Variants in MAPK4 observed in about 807,000 individuals in gnomAD.
MAPK4 encodes the protein mitogen-activated protein kinase 4.
Under a neutral mutation model 47.7 loss-of-function variants are expected in MAPK4, and 22 were observed. The observed-to-expected ratio is 0.46, with a 90% CI of 0.33 to 0.66. The LOEUF (loss-of-function observed/expected upper bound fraction) is 0.66. Ranked by LOEUF, MAPK4 falls within the 30% of genes least tolerant of loss-of-function variation. The probability of loss-of-function intolerance (pLI) is 0.02; values close to 1 mark genes in which losing one functional copy is unlikely to be tolerated. For missense variants in MAPK4, 736 were observed against 831.7 expected (o/e 0.88, Z 1.42); for synonymous variants, 390 against 365.7 (o/e 1.07, Z -0.76).
intron 5 of MAPK4, 133 bp from the exon 6 acceptor site, chr18:50,729,025 T>A: frequency 1.3e-6 from 1 of 757,094 alleles, no homozygotes; most frequent in Non-Finnish European, 2.2e-6. Flanking sequence ...TACCTGTCCA[T>A]CACCCTCCCA....
At chr18:50,697,345 G>T (rs1464898972) in intron 2 of MAPK4, among the ~76,000 whole-genome samples, 1 of 152,210 alleles carries the variant, frequency 6.6e-6, no homozygotes, top group Non-Finnish European at 1.5e-5. Flanking sequence ...GAGCTTCTCT[G>T]CTTGGTTCAC....
At position 50,664,514 on chromosome 18, in the gene MAPK4, G is replaced by C. The variant is rs1568070510; in HGVS notation, c.546+10G>C. ...GCATTACTCCCACAAGGTATGTCTGGCTGGAATGGCGGATACTGGTGGTCC... is the reference window on the plus strand; with the variant it reads ...GCATTACTCCCACAAGGTATGTCTGCCTGGAATGGCGGATACTGGTGGTCC... On this transcript the variant is annotated intron_variant, in intron 2 of 5. Coordinates refer to ENST00000400384, the MANE Select transcript of MAPK4 (RefSeq NM_002747.4). This position sits in a 1 kb window ranked among gnomAD's most constrained non-coding sequence, Gnocchi z 6.0. The C allele has an allele frequency of 6.4e-7, 1 of 1,569,440 alleles. No individual in the cohort carries two copies. The highest frequency in any genetic ancestry group is 1.2e-5 in the South Asian group (1 of 83,544).
chr18:50,570,618 G>A (rs2042241274), intron 1 of MAPK4, among the ~76,000 whole-genome samples: 1 of 152,206 alleles, frequency 6.6e-6, no homozygotes, highest in East Asian at 1.9e-4. Flanking sequence ...TGAACCATCA[G>A]ATCCAGGCTC....
chr18:50,691,078 C>T (rs552879938), intron 2 of MAPK4, among the ~76,000 whole-genome samples: 13 of 152,080 alleles, frequency 8.5e-5, no homozygotes, highest in South Asian at 2.1e-4. Context: ...CTGCAACCTC[C>T]GCCTCCTGGG....
intron 1 of MAPK4, among the ~76,000 whole-genome samples, chr18:50,623,347 G>A (rs903858109): frequency 1.3e-5 from 2 of 152,206 alleles, no homozygotes; most frequent in Non-Finnish European, 2.9e-5. Context: ...GTGCAGCAGT[G>A]TAGATTTTTC....
chr18:50,597,219 A>G (rs1195146058), intron 1 of MAPK4, among the ~76,000 whole-genome samples: 1 of 152,220 alleles, frequency 6.6e-6, no homozygotes, highest in East Asian at 1.9e-4. Context: ...ACTAACCTTT[A>G]CTAAGCACTT....
At chr18:50,621,825 C>A (rs2053248) in intron 1 of MAPK4, among the ~76,000 whole-genome samples, 1 of 152,108 alleles carries the variant, frequency 6.6e-6, no homozygotes, top group Non-Finnish European at 1.5e-5. Flanking sequence ...TATCCAAGTA[C>A]CTGCGATACT....
intron 2 of MAPK4, among the ~76,000 whole-genome samples, chr18:50,694,157 C>G (rs1011497294): frequency 6.6e-6 from 1 of 152,158 alleles, no homozygotes; most frequent in Non-Finnish European, 1.5e-5. Flanking sequence ...GTGCATACTG[C>G]GGTAAATCTG....
intron 1 of MAPK4, among the ~76,000 whole-genome samples, chr18:50,644,524 C>T (rs2042970006): frequency 6.6e-6 from 1 of 152,264 alleles, no homozygotes; most frequent in South Asian, 2.1e-4. Flanking sequence ...CCAAAGGGCT[C>T]CTTTCCCCTC....
In MAPK4 at chr18:50,706,117, A is replaced by G. The variant is rs139799063; in HGVS notation, c.547-8962A>G. 13 of 152,302 alleles carry G rather than the reference A, an allele frequency of 8.5e-5. No individual in the cohort carries two copies. In the East Asian group the frequency reaches 2.5e-3, roughly 29 times the overall value. The allele number at this position is 152,302 out of a possible 1,614,324, so 9.4% of individuals were successfully genotyped here. On this transcript the variant is annotated intron_variant, in intron 2 of 5. Transcript: ENST00000400384. ...GTGCCTGGCACATCATAATTTCTCA[A>G]TAAACGATAGCTATTATTATGATCA... is the stretch of plus-strand genomic sequence containing the variant.
At chr18:50,688,716 C>T (rs1047809048) in intron 2 of MAPK4, among the ~76,000 whole-genome samples, 4 of 151,512 alleles carry the variant, frequency 2.6e-5, no homozygotes, top group Admixed American at 6.6e-5. Flanking sequence ...AATGATACAA[C>T]GGACATCAGG....
intron 2 of MAPK4, among the ~76,000 whole-genome samples, chr18:50,674,393 T>G (rs1908141359): frequency 6.6e-6 from 1 of 152,218 alleles, no homozygotes; most frequent in African/African-American, 2.4e-5. Flanking sequence ...GAAGGCTCGG[T>G]GGGGGTGTGG....
rs1193976082 is a variant in MAPK4, at chr18:50,664,822, C to A, written c.546+318C>A. On this transcript the variant is annotated intron_variant, in intron 2 of 5. Transcript: ENST00000400384. This position sits in a 1 kb window ranked among gnomAD's most constrained non-coding sequence, Gnocchi z 6.0. ...AAAACTATGTGGTTGGTGAATTTGCCTCTAGCATCTTCTTATCCCTGCTGT... is the reference window on the plus strand; with the variant it reads ...AAAACTATGTGGTTGGTGAATTTGCATCTAGCATCTTCTTATCCCTGCTGT... 6.6e-6 allele frequency among the ~76,000 whole-genome samples: 1 copy of A among 152,168 alleles called. No homozygotes were observed. The highest frequency in any genetic ancestry group is 1.5e-5 in the Non-Finnish European group (1 of 68,038).
intron 2 of MAPK4, among the ~76,000 whole-genome samples, chr18:50,684,606 G>A (rs898224022): frequency 6.6e-6 from 1 of 152,062 alleles, no homozygotes; most frequent in Non-Finnish European, 1.5e-5. Context: ...CCTTCGGGGG[G>A]TGAGGAGAAG....
intron 1 of MAPK4, among the ~76,000 whole-genome samples, chr18:50,563,786 T>TCTCC (rs1427241053): frequency 6.6e-6 from 1 of 152,172 alleles, no homozygotes; most frequent in Non-Finnish European, 1.5e-5. Context: ...GCTCTCTTCC[T>TCTCC]CTCCATCATT....
chr18:50,631,368 C>G (rs906534824), intron 1 of MAPK4, among the ~76,000 whole-genome samples: 4 of 152,008 alleles, frequency 2.6e-5, no homozygotes, highest in African/African-American at 9.7e-5. Context: ...GCTGTGAGTT[C>G]AATGTTAACG....
intron 4 of MAPK4, 28 bp downstream of exon 4, chr18:50,722,127 T>G: frequency 1.3e-6 from 2 of 1,599,346 alleles, no homozygotes; most frequent in Non-Finnish European, 1.7e-6. Flanking sequence ...CCAGGCCAAG[T>G]GTCCTGGGAG....
intron 1 of MAPK4, among the ~76,000 whole-genome samples, chr18:50,573,634 A>G (rs1429783369): frequency 6.6e-6 from 1 of 152,190 alleles, no homozygotes; most frequent in East Asian, 1.9e-4. Flanking sequence ...TGCATCTCCC[A>G]TACCCAGCCC....
At chr18:50,688,376 C>T (rs1598912679) in intron 2 of MAPK4, among the ~76,000 whole-genome samples, 1 of 152,206 alleles carries the variant, frequency 6.6e-6, no homozygotes, top group East Asian at 1.9e-4. Flanking sequence ...GGGCCCCAAA[C>T]AGCAGTAAGC....
Sources: gnomAD v4.1 joint callset for allele counts (sites outside exome capture counted in the v4.1 genomes callset) on GRCh38, gnomAD v4.1.1 for gene constraint, Gnocchi (gnomAD v3.1) non-coding constraint, MANE v1.5 for transcripts, NCBI Gene and HGNC (gene_info 2026-07-23, HGNC 2026-07-21) for gene names.